NCAPD3: variants seen among roughly 807,000 people sequenced by gnomAD.
NCAPD3 encodes the protein non-SMC condensin II complex subunit D3, also known as condensin-2 complex subunit D3.
In NCAPD3, 105 loss-of-function variants were observed where a neutral mutation model predicts 182.9. The observed-to-expected ratio is 0.57, with a 90% CI of 0.49 to 0.68. The LOEUF (loss-of-function observed/expected upper bound fraction) is 0.68. Among genes scored for constraint, NCAPD3 ranks in the 30% least tolerant of loss-of-function variants. The pLI, the probability that NCAPD3 is intolerant of heterozygous loss-of-function variation, is 0.00. For missense variants in NCAPD3, 1,944 were observed against 1,837.0 expected (o/e 1.06, Z -1.07); for synonymous variants, 815 against 679.9 (o/e 1.20, Z -3.09).
rs1027685812 is a variant in NCAPD3 at position 134,174,105 on chromosome 11, G to A, written c.3101+2202C>T. Among the ~76,000 whole-genome samples, 6 of 152,138 alleles carry A rather than the reference G, an allele frequency of 3.9e-5. No homozygotes were observed. The South Asian group carries it at 6.2e-4, about 16-fold the overall frequency. On this transcript the variant is annotated intron_variant, in intron 24 of 34. Transcript: ENST00000534548. ...CATTAGCAGAAACACACGAAAAAAC[G>A]TATTGCCTGCTGTGGTGACTCAAGC...
chr11:134,164,785 G>A (rs1437524764), intron 27 of NCAPD3, among the ~76,000 whole-genome samples: 1 of 144,600 alleles, frequency 6.9e-6, no homozygotes. Flanking sequence ...CTGCACACTC[G>A]TGAAATGAAC....
chr11:134,159,845 C>T, intron 29 of NCAPD3, 47 bp downstream of exon 29: 2 of 1,565,930 alleles, frequency 1.3e-6, no homozygotes, highest in Non-Finnish European at 1.7e-6. Flanking sequence ...TGGTAGCAGA[C>T]AGCAGACTGG....
At chr11:134,192,274 A>G (rs545994651) in intron 16 of NCAPD3, among the ~76,000 whole-genome samples, 1 of 152,358 alleles carries the variant, frequency 6.6e-6, no homozygotes, top group African/African-American at 2.4e-5. Context: ...AAGTGTTATC[A>G]AAGGGGAAAA....
chr11:134,225,010 C>T (rs2136042224), upstream of NCAPD3: 3 of 1,006,624 alleles, frequency 3.0e-6, no homozygotes, highest in Non-Finnish European at 3.9e-6. Flanking sequence ...GGCAGCCCCG[C>T]GGCGGCCGAG....
intron 4 of NCAPD3, among the ~76,000 whole-genome samples, chr11:134,209,925 G>A (rs900353022): frequency 2.0e-5 from 3 of 152,066 alleles, no homozygotes; most frequent in Admixed American, 6.5e-5. Flanking sequence ...GTGTGGTGGC[G>A]CATGCCTGTA....
intron 23 of NCAPD3, among the ~76,000 whole-genome samples, chr11:134,176,643 C>T (rs865850831): frequency 1.3e-5 from 2 of 152,228 alleles, no homozygotes; most frequent in African/African-American, 4.8e-5. Flanking sequence ...TAATACGGTT[C>T]GTAATACATG....
intron 2 of NCAPD3, 147 bp from the exon 3 acceptor site, chr11:134,217,245 G>A (rs1591866179): frequency 1.7e-6 from 1 of 588,416 alleles, no homozygotes; most frequent in East Asian, 3.2e-5. Context: ...CATCTTCAAA[G>A]GGACTGAAAC....
upstream of NCAPD3, chr11:134,225,077 T>G (rs1321418109): frequency 6.5e-7 from 1 of 1,531,990 alleles, no homozygotes; most frequent in Non-Finnish European, 8.8e-7. Flanking sequence ...CGCGCCCCGG[T>G]GCGAGGGAGC....
chr11:134,223,596 G>T, intron 1 of NCAPD3: 1 of 669,024 alleles, frequency 1.5e-6, no homozygotes, highest in Non-Finnish European at 2.8e-6. Flanking sequence ...AGGAAGAAGG[G>T]GAAGGCCGAG....
intron 24 of NCAPD3, among the ~76,000 whole-genome samples, chr11:134,174,614 G>A (rs377015056): frequency 1.3e-5 from 2 of 152,072 alleles, no homozygotes; most frequent in African/African-American, 4.8e-5. Flanking sequence ...GGTACAGAAA[G>A]GCTGATTAGC....
intron 28 of NCAPD3, 129 bp from the exon 29 acceptor site, chr11:134,160,203 T>G: frequency 1.1e-6 from 1 of 912,906 alleles, no homozygotes; most frequent in Non-Finnish European, 1.6e-6. Context: ...GAACGCAAAA[T>G]AAAAGTTAAG....
Position 134,194,109 on chromosome 11 carries a change from C to T in NCAPD3, c.1731G>A (p.Met577Ile). ...SILKHCDVSG[M>I]KEDLWILQDQ... is the part of the protein sequence containing the mutation. ...CCTGCAGAATCCACAGGTCTTCCTTCATGCCTGAGACATCACAGTGTTTCA... is the reference window on the plus strand; with the variant it reads ...CCTGCAGAATCCACAGGTCTTCCTTTATGCCTGAGACATCACAGTGTTTCA... The change falls in exon 15 of 35, where the codon ATG (methionine) becomes ATA (isoleucine). Residue 577 changes from methionine (M) to isoleucine (I), a missense_variant. By Grantham distance (10) the Met-to-Ile change is conservative. Coordinates refer to ENST00000534548, the MANE Select transcript of NCAPD3 (RefSeq NM_015261.3). The T allele has an allele frequency of 6.2e-7, 1 of 1,614,218 alleles. No homozygotes were observed. The highest frequency in any genetic ancestry group is 8.5e-7 in the Non-Finnish European group (1 of 1,180,014).
In NCAPD3 at chr11:134,189,557, CTTTT is replaced by C. The variant is rs1328426051; in HGVS notation, c.2045+3128_2045+3131del. Among the ~76,000 whole-genome samples the C allele has an allele frequency of 2.0e-5, 3 of 152,234 alleles. No individual in the cohort carries two copies. The South Asian group carries it at 6.2e-4, about 32-fold the overall frequency. On this transcript the variant is annotated intron_variant, in intron 16 of 34. Transcript: ENST00000534548. ...TATCTTTTTTAATTCTTCAAATGCTCTTTTTTGAGGTTTTCCTCTACTACTTATT... is the reference window on the plus strand; with the variant it reads ...TATCTTTTTTAATTCTTCAAATGCTCTTGAGGTTTTCCTCTACTACTTATT...
chr11:134,158,582 T>G lies in NCAPD3; in HGVS notation c.3868-87A>C, dbSNP rs986403521. On this transcript the variant is annotated intron_variant, in intron 29 of 34. Transcript: ENST00000534548. ...TATGATAGTTGTACATGGTTGGGGG[T>G]CCATATGAGATTTTGATACATGTGG... 1.0e-5 allele frequency: 14 copies of G among 1,401,664 alleles called. No homozygotes were observed. The African/African-American group carries it at 2.0e-4, about 20-fold the overall frequency. 86.8% of individuals were successfully genotyped at this position (1,401,664 alleles called of 1,614,324 possible).
rs1442459019 is a variant in NCAPD3 at position 134,176,325 on chromosome 11, G to C, written c.3083C>G (p.Ser1028Ter). Residue 1028 changes from serine (S) to a stop codon, truncating the protein, a stop_gained, in exon 24 of 35, where the codon TCA (serine) becomes TGA (stop). Coordinates refer to ENST00000534548, the MANE Select transcript of NCAPD3 (RefSeq NM_015261.3). LOFTEE classifies it high-confidence loss of function. ...FFRFVSTLIDSHPDIASFGEF... is the reference protein window; with the variant it reads ...FFRFVSTLID The stretch of plus-strand genomic sequence containing the variant: ...GATTTACCTGGCAATGTCTGGGTGT[G>C]AATCGATCAGAGTGCTGACAAATCG... 9.9e-6 allele frequency: 16 copies of C among 1,613,936 alleles called. No individual in the cohort carries two copies. The highest frequency in any genetic ancestry group is 1.3e-5 in the Non-Finnish European group (15 of 1,179,898).
At chr11:134,194,759 G>T in intron 13 of NCAPD3, 21 bp from the exon 14 acceptor site, 1 of 1,546,690 alleles carries the variant, frequency 6.5e-7, no homozygotes, top group African/African-American at 1.4e-5. Context: ...AATACCAAAG[G>T]GTCATCACAG....
intron 2 of NCAPD3, among the ~76,000 whole-genome samples, chr11:134,219,420 C>T (rs945420801): frequency 6.6e-6 from 1 of 152,188 alleles, no homozygotes; most frequent in Non-Finnish European, 1.5e-5. Context: ...GGCTAGTGTT[C>T]AAATGTCCAC....
At chr11:134,170,660 C>T (rs993726329) in intron 24 of NCAPD3, among the ~76,000 whole-genome samples, 1 of 152,230 alleles carries the variant, frequency 6.6e-6, no homozygotes, top group African/African-American at 2.4e-5. Flanking sequence ...CAGTTTAGGT[C>T]AAGAATACAC....
rs1943232032 is a variant in NCAPD3, at chr11:134,151,447, T to C, written c.*1497A>G. 1 of 152,186 alleles carries C rather than the reference T, an allele frequency of 6.6e-6. No individual in the cohort carries two copies. The highest frequency in any genetic ancestry group is 2.1e-4 in the South Asian group (1 of 4,830). 9.4% of individuals were successfully genotyped at this position (152,186 alleles called of 1,614,324 possible). ...CTTCTTGGTTGTCATAGTGATAGGG[T>C]AGCCTTATTGCCCCCTCTTCTTATA... On this transcript the variant is annotated 3_prime_UTR_variant, in exon 35 of 35. Coordinates refer to ENST00000534548, the MANE Select transcript of NCAPD3 (RefSeq NM_015261.3).
Sources: allele counts gnomAD v4.1 joint callset (sites outside exome capture counted in the v4.1 genomes callset), GRCh38; gene constraint gnomAD v4.1.1; transcripts MANE v1.5; gene names NCBI Gene and HGNC (gene_info 2026-07-23, HGNC 2026-07-21).